Variants in TP63 observed in about 807,000 individuals in gnomAD.
The protein encoded by TP63 is tumor protein p63, also known as tumor protein 63.
A neutral mutation model predicts 82.8 loss-of-function variants in TP63; 17 were observed. The ratio of observed to expected loss-of-function variants is 0.21; its 90% confidence interval spans 0.14 to 0.31. The LOEUF is 0.31. Among genes scored for constraint, TP63 ranks in the 10% least tolerant of loss-of-function variants. The pLI, the probability that TP63 is intolerant of heterozygous loss-of-function variation, is 1.00. For missense variants in TP63, 648 were observed against 895.3 expected (o/e 0.72, Z 3.52); for synonymous variants, 330 against 321.7 (o/e 1.03, Z -0.28).
intron 3 of TP63, among the ~76,000 whole-genome samples, chr3:189,774,620 A>C (rs1187283357): frequency 6.6e-6 from 1 of 152,186 alleles, no homozygotes; most frequent in Non-Finnish European, 1.5e-5. Context: ...ATTTATAAAC[A>C]TTTCAACTCA....
At chr3:189,650,176 C>G (rs1399112967) in intron 1 of TP63, among the ~76,000 whole-genome samples, 1 of 145,436 alleles carries the variant, frequency 6.9e-6, no homozygotes, top group Non-Finnish European at 1.5e-5. Context: ...ATTACCTTAC[C>G]TGAGTGAATA....
At chr3:189,675,273 G>C (rs1715288650) in intron 1 of TP63, among the ~76,000 whole-genome samples, 2 of 151,976 alleles carry the variant, frequency 1.3e-5, no homozygotes, top group Non-Finnish European at 2.9e-5. Flanking sequence ...TAGGGGTTAG[G>C]ATTTCAACAT....
intron 1 of TP63, among the ~76,000 whole-genome samples, chr3:189,690,444 T>G (rs1716827712): frequency 6.6e-6 from 1 of 152,218 alleles, no homozygotes; most frequent in African/African-American, 2.4e-5. Context: ...TTAAAACAAG[T>G]AATTCCTTCT....
chr3:189,724,418 G>A (rs1240122609), intron 1 of TP63, among the ~76,000 whole-genome samples: 2 of 152,058 alleles, frequency 1.3e-5, no homozygotes, highest in East Asian at 1.9e-4. Flanking sequence ...ATTCTGCTGC[G>A]CTCATCCCCC....
chr3:189,693,626 A>G (rs1182980055), intron 1 of TP63, among the ~76,000 whole-genome samples: 1 of 152,212 alleles, frequency 6.6e-6, no homozygotes, highest in Non-Finnish European at 1.5e-5. Flanking sequence ...GCTACTCTAA[A>G]AGGTAAGAAA....
intron 4 of TP63, among the ~76,000 whole-genome samples, chr3:189,855,222 G>A (rs1272543757): frequency 1.3e-5 from 2 of 152,120 alleles, no homozygotes; most frequent in Admixed American, 6.5e-5. Context: ...TTGAGGTCAA[G>A]CATGAAAGTT....
the TP63 span, among the ~76,000 whole-genome samples, chr3:189,597,291 A>C: frequency 6.6e-6 from 1 of 152,228 alleles, no homozygotes; most frequent in African/African-American, 2.4e-5. Flanking sequence ...CTAAAGGACC[A>C]TGCATTAAGA....
At chr3:189,781,314 C>A (rs1724213134) in intron 3 of TP63, among the ~76,000 whole-genome samples, 1 of 152,174 alleles carries the variant, frequency 6.6e-6, no homozygotes. Flanking sequence ...GACTTATCCA[C>A]CCTCGTGGTT....
At chr3:189,625,701 A>G in the TP63 span, among the ~76,000 whole-genome samples, 1 of 152,158 alleles carries the variant, frequency 6.6e-6, no homozygotes, top group Admixed American at 6.5e-5. Flanking sequence ...TTCAGGGAAA[A>G]AAAAATCTGG....
At chr3:189,850,483 A>G (rs1333895131) in intron 4 of TP63, among the ~76,000 whole-genome samples, 2 of 152,206 alleles carry the variant, frequency 1.3e-5, no homozygotes, top group Non-Finnish European at 2.9e-5. Flanking sequence ...ATTAAAATGA[A>G]TAAAATATAC....
chr3:189,705,162 C>A (rs1490446847), intron 1 of TP63, among the ~76,000 whole-genome samples: 1 of 152,150 alleles, frequency 6.6e-6, no homozygotes, highest in Admixed American at 6.5e-5. Context: ...ATCTGAGAAG[C>A]TGTATAGTGC....
chr3:189,636,739 A>G (rs1729807883), intron 1 of TP63, among the ~76,000 whole-genome samples: 1 of 152,158 alleles, frequency 6.6e-6, no homozygotes, highest in Non-Finnish European at 1.5e-5. Flanking sequence ...TTATTTGCCC[A>G]ATTTTTGGTG....
chr3:189,816,503 T>C (rs1728201029), intron 4 of TP63, among the ~76,000 whole-genome samples: 1 of 152,172 alleles, frequency 6.6e-6, no homozygotes, highest in Non-Finnish European at 1.5e-5. Context: ...CCTCAGCAGT[T>C]ACAGCTGTCA....
intron 1 of TP63, among the ~76,000 whole-genome samples, chr3:189,715,251 A>G (rs1003832842): frequency 9.9e-5 from 15 of 152,216 alleles, no homozygotes; most frequent in African/African-American, 3.6e-4. Flanking sequence ...CCTGAGTAGG[A>G]AAGTCACACA....
At chr3:189,809,388 T>C (rs7624774) in intron 4 of TP63, among the ~76,000 whole-genome samples, 129,099 of 152,198 alleles carry the variant, frequency 0.85, 55,231 homozygotes, top group Middle Eastern at 0.88. Context: ...TATTTTATTT[T>C]GAAGTGTATT....
At chr3:189,877,544 A>G (rs1284287491) in intron 10 of TP63, among the ~76,000 whole-genome samples, 2 of 152,110 alleles carry the variant, frequency 1.3e-5, no homozygotes, top group Admixed American at 6.5e-5. Context: ...CTTCTACAGG[A>G]TGAATTTTAT....
chr3:189,655,781 C>T (rs1455042896), intron 1 of TP63, among the ~76,000 whole-genome samples: 3 of 152,244 alleles, frequency 2.0e-5, no homozygotes, highest in Non-Finnish European at 1.5e-5. Context: ...TGAGAAACCC[C>T]TTGACACTTC....
At chr3:189,859,942 G>C (rs1015865736) in intron 4 of TP63, among the ~76,000 whole-genome samples, 2 of 152,108 alleles carry the variant, frequency 1.3e-5, no homozygotes, top group African/African-American at 4.8e-5. Flanking sequence ...GGAGGAAACA[G>C]GTACATGATT....
chr3:189,604,502 G>A, the TP63 span, among the ~76,000 whole-genome samples: 1 of 152,152 alleles, frequency 6.6e-6, no homozygotes, highest in Non-Finnish European at 1.5e-5. Flanking sequence ...AAATTCAGAT[G>A]AGTAAAGGAT....
Sources: gnomAD v4.1 joint callset for allele counts (sites outside exome capture counted in the v4.1 genomes callset) on GRCh38, gnomAD v4.1.1 for gene constraint, MANE v1.5 for transcripts, NCBI Gene and HGNC (gene_info 2026-07-23, HGNC 2026-07-21) for gene names.